The following CNTNAP2 variants were observed in gnomAD, a reference collection of about 807,000 sequenced individuals.
CNTNAP2 encodes the protein contactin-associated protein-like 2.
In CNTNAP2, 98 loss-of-function variants were observed where a neutral mutation model predicts 155.2. That is an observed-to-expected ratio of 0.63 (90% confidence interval 0.54 to 0.75). The LOEUF is 0.75. Among genes scored for constraint, CNTNAP2 ranks in the 30% least tolerant of loss-of-function variants. CNTNAP2 has a pLI of 0.00. For synonymous variants in CNTNAP2, 651 were observed against 631.2 expected (o/e 1.03, Z -0.47); for missense variants, 1,727 against 1,688.1 (o/e 1.02, Z -0.40).
chr7:147,736,886 G>A (rs1308324218), intron 13 of CNTNAP2, among the ~76,000 whole-genome samples: 1 of 152,120 alleles, frequency 6.6e-6, no homozygotes, highest in East Asian at 1.9e-4. Context: ...GTCCTTTAAG[G>A]ACTTCTCTGC....
rs1039774470 is a variant in CNTNAP2, at chr7:146,916,410, T to C, written c.402+76506T>C. Among the ~76,000 whole-genome samples, 8 of 152,292 alleles carry C rather than the reference T, an allele frequency of 5.3e-5. No homozygotes were observed. In the East Asian group the frequency reaches 1.5e-3, roughly 29 times the overall value. On this transcript the variant is annotated intron_variant, in intron 3 of 23. Transcript: ENST00000361727. ...TGTCAATAAGATTGGTACCAATTATTCTTTAAATGTCTGATTGAATTCAAC... is the reference window on the plus strand; with the variant it reads ...TGTCAATAAGATTGGTACCAATTATCCTTTAAATGTCTGATTGAATTCAAC...
At chr7:146,468,411 T>G (rs972292665) in intron 1 of CNTNAP2, among the ~76,000 whole-genome samples, 1 of 150,878 alleles carries the variant, frequency 6.6e-6, no homozygotes, top group Non-Finnish European at 1.5e-5. Flanking sequence ...AATCTGCACA[T>G]GTGCCACCTG....
chr7:148,301,199 C>G (rs1289478109), intron 21 of CNTNAP2, among the ~76,000 whole-genome samples: 2 of 150,998 alleles, frequency 1.3e-5, no homozygotes, highest in Non-Finnish European at 2.9e-5. Context: ...GAGGCTGAGG[C>G]AGGAGAATCA....
At chr7:147,329,773 CTT>C (rs1479192713) in intron 9 of CNTNAP2, among the ~76,000 whole-genome samples, 2 of 100,074 alleles carry the variant, frequency 2.0e-5, no homozygotes, top group Non-Finnish European at 4.3e-5. Context: ...ATTTATAGTT[CTT>C]AATTTATGCT....
chr7:146,541,328 C>A (rs1393251137), intron 1 of CNTNAP2, among the ~76,000 whole-genome samples: 2 of 152,062 alleles, frequency 1.3e-5, no homozygotes, highest in East Asian at 3.9e-4. Context: ...CCTCATCCTA[C>A]ATTTCCTCCT....
intron 14 of CNTNAP2, among the ~76,000 whole-genome samples, chr7:147,919,064 A>G (rs183449747): frequency 6.6e-6 from 1 of 152,286 alleles, no homozygotes; most frequent in African/African-American, 2.4e-5. Flanking sequence ...TGATGACAGT[A>G]GTAGGCTCAG....
intron 4 of CNTNAP2, chr7:147,082,118 T>G (rs553364866): frequency 2.0e-5 from 3 of 152,172 alleles, no homozygotes; most frequent in Non-Finnish European, 4.4e-5. Flanking sequence ...TAAAGGGTGT[T>G]GAATTCAGCC....
chr7:147,085,202 T>C (rs1800246705), intron 4 of CNTNAP2, among the ~76,000 whole-genome samples: 2 of 152,140 alleles, frequency 1.3e-5, no homozygotes, highest in Non-Finnish European at 2.9e-5. Context: ...CTCCTAGTAT[T>C]GTTATCTTTG....
At chr7:146,569,942 T>C (rs942682225) in intron 1 of CNTNAP2, among the ~76,000 whole-genome samples, 9 of 152,150 alleles carry the variant, frequency 5.9e-5, no homozygotes, top group African/African-American at 2.2e-4. Context: ...GATCTGACAG[T>C]AGTTAAATGC....
chr7:146,479,263 C>T (rs916547797), intron 1 of CNTNAP2, among the ~76,000 whole-genome samples: 30 of 152,246 alleles, frequency 2.0e-4, no homozygotes, highest in African/African-American at 6.5e-4. Flanking sequence ...TGGCAACAGA[C>T]GCCCTATAAA....
chr7:147,005,205 AT>A (rs755450337), intron 3 of CNTNAP2, among the ~76,000 whole-genome samples: 1 of 152,006 alleles, frequency 6.6e-6, no homozygotes, highest in Admixed American at 6.6e-5. Context: ...ATTCTCTCTG[AT>A]TTTCTATCCA....
chr7:146,689,099 G>C (rs1585043658), intron 1 of CNTNAP2, among the ~76,000 whole-genome samples: 1 of 152,134 alleles, frequency 6.6e-6, no homozygotes, highest in Non-Finnish European at 1.5e-5. Flanking sequence ...CACATATGCT[G>C]TTATATACAG....
chr7:146,766,009 C>A (rs998828361), intron 1 of CNTNAP2, among the ~76,000 whole-genome samples: 1 of 151,972 alleles, frequency 6.6e-6, no homozygotes, highest in African/African-American at 2.4e-5. Context: ...CAGGGCCAGA[C>A]CATCTTGGGC....
intron 3 of CNTNAP2, among the ~76,000 whole-genome samples, chr7:147,018,716 A>C (rs1357994291): frequency 6.6e-6 from 1 of 152,082 alleles, no homozygotes; most frequent in Admixed American, 6.6e-5. Context: ...GAGCCAGTTA[A>C]ACAAATAGTA....
intron 8 of CNTNAP2, among the ~76,000 whole-genome samples, chr7:147,178,384 A>G (rs1802390182): frequency 6.6e-6 from 1 of 152,324 alleles, no homozygotes; most frequent in Admixed American, 6.5e-5. Context: ...GGAAAAGGCA[A>G]GGAAACAGTT....
chr7:147,715,872 A>G (rs1002687076), intron 13 of CNTNAP2, among the ~76,000 whole-genome samples: 1 of 152,154 alleles, frequency 6.6e-6, no homozygotes, highest in Admixed American at 6.6e-5. Context: ...TGATTTTTGT[A>G]TAAGGTGCAA....
intron 11 of CNTNAP2, among the ~76,000 whole-genome samples, chr7:147,555,722 A>G (rs1799939740): frequency 6.6e-6 from 1 of 152,162 alleles, no homozygotes; most frequent in African/African-American, 2.4e-5. Context: ...GGCCACTTCT[A>G]GTGATCCTCA....
intron 20 of CNTNAP2, among the ~76,000 whole-genome samples, chr7:148,236,320 G>T (rs1881725): frequency 2.0e-5 from 3 of 152,166 alleles, no homozygotes; most frequent in African/African-American, 7.2e-5. Context: ...AATGTTACCC[G>T]TGAGGCTAAG....
intron 13 of CNTNAP2, among the ~76,000 whole-genome samples, chr7:147,878,716 A>G (rs1799467924): frequency 6.6e-6 from 1 of 152,194 alleles, no homozygotes. Flanking sequence ...TTCATTCTGG[A>G]AAGAATAAGG....
Sources: gnomAD v4.1 joint callset for allele counts (sites outside exome capture counted in the v4.1 genomes callset) on GRCh38, gnomAD v4.1.1 for gene constraint, MANE v1.5 for transcripts, NCBI Gene and HGNC (gene_info 2026-07-23, HGNC 2026-07-21) for gene names.